Variants in RPS6KA2 observed in about 807,000 individuals in gnomAD.
RPS6KA2 encodes the protein ribosomal protein S6 kinase alpha-2.
RPS6KA2 carries 42 observed loss-of-function variants against 91.8 expected under a neutral mutation model. The observed-to-expected ratio is 0.46, with a 90% CI of 0.36 to 0.59. The LOEUF (loss-of-function observed/expected upper bound fraction) is 0.59, where lower values mean the gene tolerates loss of function less well. RPS6KA2 is among the 20% of genes least tolerant of loss of function. The probability of loss-of-function intolerance (pLI) is 0.00; values close to 1 mark genes in which losing one functional copy is unlikely to be tolerated. For synonymous variants in RPS6KA2, 414 were observed against 393.6 expected, an observed-to-expected ratio of 1.05 and a Z score of -0.61; for missense variants, 798 against 978.5, an observed-to-expected ratio of 0.82 and a Z score of 2.46.
intron 15 of RPS6KA2, among the ~76,000 whole-genome samples, chr6:166,430,867 G>A (rs1464271752): frequency 6.6e-6 from 1 of 152,164 alleles, no homozygotes; most frequent in East Asian, 1.9e-4. Flanking sequence ...CAAGATGGGC[G>A]TGTCCTTAGC....
intron 2 of RPS6KA2, among the ~76,000 whole-genome samples, chr6:166,850,590 G>A (rs1780714717): frequency 6.6e-6 from 1 of 152,214 alleles, no homozygotes; most frequent in African/African-American, 2.4e-5. Flanking sequence ...GGAAAGAGAG[G>A]AGAAAGGGTC....
chr6:166,464,090 T>C (rs1196580880), intron 11 of RPS6KA2, among the ~76,000 whole-genome samples: 2 of 152,234 alleles, frequency 1.3e-5, no homozygotes, highest in African/African-American at 4.8e-5. Flanking sequence ...ACGCCTGTGC[T>C]GTGAGGCCCT....
At position 166,767,159 on chromosome 6, in the gene RPS6KA2, C is replaced by T. The variant is rs1183072463; in HGVS notation, c.123+91041G>A. Among the ~76,000 whole-genome samples, 2 of 152,232 alleles carry T rather than the reference C, an allele frequency of 1.3e-5. No individual in the cohort carries two copies. Among genetic ancestry groups the T allele is most frequent in the African/African-American group, 2.4e-5 (1 of 41,458 alleles). On this transcript the variant is annotated intron_variant, in intron 2 of 21. Coordinates refer to the RPS6KA2 transcript ENST00000503859. This position sits in a 1 kb window ranked among gnomAD's most constrained non-coding sequence, Gnocchi z 4.6. ...TGGAATTTTTGTCTCTGAAAACAGACTGAAGAACCAGACTTTTGTATTTTA... is the reference window on the plus strand; with the variant it reads ...TGGAATTTTTGTCTCTGAAAACAGATTGAAGAACCAGACTTTTGTATTTTA...
At chr6:166,739,351 T>G (rs16899365) in intron 2 of RPS6KA2, among the ~76,000 whole-genome samples, 4,845 of 152,312 alleles carry the variant, frequency 0.032, 237 homozygotes, top group African/African-American at 0.11. Context: ...TAGGAAACCC[T>G]CTAGGTAAGG....
At chr6:166,480,896 C>T (rs531808736) in intron 10 of RPS6KA2, among the ~76,000 whole-genome samples, 4 of 152,220 alleles carry the variant, frequency 2.6e-5, no homozygotes, top group South Asian at 2.1e-4. Flanking sequence ...CTGATCCACA[C>T]GCCTCGGCTG....
At chr6:166,739,352 C>T (rs1283507711) in intron 2 of RPS6KA2, among the ~76,000 whole-genome samples, 1 of 152,200 alleles carries the variant, frequency 6.6e-6, no homozygotes, top group Admixed American at 6.5e-5. Flanking sequence ...AGGAAACCCT[C>T]TAGGTAAGGA....
intron 2 of RPS6KA2, among the ~76,000 whole-genome samples, chr6:166,740,742 G>A (rs1178115088): frequency 6.6e-6 from 1 of 152,202 alleles, no homozygotes; most frequent in African/African-American, 2.4e-5. Context: ...TAACCCAGTG[G>A]AAATATAAAC....
chr6:166,593,863 A>T (rs1437802694), intron 1 of RPS6KA2, among the ~76,000 whole-genome samples: 1 of 152,246 alleles, frequency 6.6e-6, no homozygotes, highest in Non-Finnish European at 1.5e-5. Context: ...TGATAAAATG[A>T]TATCAAAAAT....
intron 2 of RPS6KA2, among the ~76,000 whole-genome samples, chr6:166,833,964 C>A (rs1294769593): frequency 6.6e-6 from 1 of 151,788 alleles, no homozygotes; most frequent in Non-Finnish European, 1.5e-5. Context: ...AAACTCCTGG[C>A]CTCAAGTGAT....
chr6:166,508,188 G>C lies in RPS6KA2; in HGVS notation c.459+15C>G. 6.3e-7 allele frequency: 1 copy of C among 1,581,352 alleles called. No individual in the cohort carries two copies. The highest frequency in any genetic ancestry group is 8.7e-7 in the Non-Finnish European group (1 of 1,151,464). ...GCTCCTGCCCGCCCTCCTGTGTGAT[G>C]TGGCGGCTGCTCACCTCTTTGGAGA... On this transcript the variant is annotated intron_variant, in intron 5 of 20. Coordinates refer to ENST00000265678, the MANE Select transcript of RPS6KA2 (RefSeq NM_021135.6). This position sits in a 1 kb window ranked among gnomAD's most constrained non-coding sequence, Gnocchi z 4.3.
intron 2 of RPS6KA2, among the ~76,000 whole-genome samples, chr6:166,699,556 T>C (rs1228379963): frequency 6.6e-6 from 1 of 152,226 alleles, no homozygotes; most frequent in African/African-American, 2.4e-5. Context: ...TACAAGTCTT[T>C]AGATCAGTGT....
chr6:166,438,255 C>T (rs1214531771), intron 14 of RPS6KA2, among the ~76,000 whole-genome samples: 1 of 152,270 alleles, frequency 6.6e-6, no homozygotes, highest in Non-Finnish European at 1.5e-5. Flanking sequence ...TCATGCCGAA[C>T]ATCTGTCTTA....
intron 2 of RPS6KA2, 139 bp from the exon 3 acceptor site, chr6:166,531,452 C>G: frequency 1.5e-6 from 1 of 677,110 alleles, no homozygotes; most frequent in Non-Finnish European, 2.6e-6. Flanking sequence ...TTAAAATTTT[C>G]TCCAACGTCA....
At chr6:166,462,573 G>A (rs750253642) in intron 11 of RPS6KA2, among the ~76,000 whole-genome samples, 3 of 152,170 alleles carry the variant, frequency 2.0e-5, no homozygotes, top group Non-Finnish European at 4.4e-5. Flanking sequence ...AGGACACTGC[G>A]CCTGGGGGCT....
intron 3 of RPS6KA2, among the ~76,000 whole-genome samples, chr6:166,523,254 C>T (rs1250671425): frequency 6.6e-6 from 1 of 152,140 alleles, no homozygotes; most frequent in Non-Finnish European, 1.5e-5. Flanking sequence ...TTGAGAAAGA[C>T]AGAAGTCAAA....
intron 8 of RPS6KA2, among the ~76,000 whole-genome samples, chr6:166,492,801 C>T (rs1249234971): frequency 2.0e-5 from 3 of 151,536 alleles, no homozygotes; most frequent in East Asian, 3.9e-4. Flanking sequence ...CTGCAACCTC[C>T]GCCTCCTGGG....
chr6:166,856,264 C>G (rs7754775), intron 2 of RPS6KA2, among the ~76,000 whole-genome samples: 109,159 of 151,592 alleles, frequency 0.72, 39,826 homozygotes, highest in East Asian at 0.91. Context: ...TGAGGGTGGA[C>G]TTCTCATGAA....
In RPS6KA2 at chr6:166,651,038, T is replaced by C. The variant is rs138659677; in HGVS notation, c.124-112254A>G. 8.0e-3 allele frequency among the ~76,000 whole-genome samples: 1,225 copies of C among 152,328 alleles called. 24 individuals carry two copies. Among genetic ancestry groups the C allele is most frequent in the South Asian group, 0.064 (308 of 4,826 alleles). On this transcript the variant is annotated intron_variant, in intron 2 of 21. Transcript: ENST00000503859. Reference sequence around the variant, plus strand: ...GACCTGCCCCGTGATGTGGTTGTGTTACCCAGACCCTGCCTGTCCAGCTGT... The same window carrying C: ...GACCTGCCCCGTGATGTGGTTGTGTCACCCAGACCCTGCCTGTCCAGCTGT...
rs998555599 is a variant in RPS6KA2 at position 166,434,430 on chromosome 6, C to T, written c.1333-1940G>A. On this transcript the variant is annotated intron_variant, in intron 14 of 20. Transcript: ENST00000265678. The surrounding 1 kb of genome is among the most constrained non-coding windows in gnomAD (Gnocchi z 4.4). The stretch of plus-strand genomic sequence containing the variant: ...CATTCTCAAGTAGAGACTTTTAAAA[C>T]GATCATTCAAGGAGGGGTGGGGGAC... Among the ~76,000 whole-genome samples, 6 of 152,056 alleles carry T rather than the reference C, an allele frequency of 3.9e-5. No individual in the cohort carries two copies. The highest frequency in any genetic ancestry group is 7.3e-5 in the African/African-American group (3 of 41,378).
Sources: gnomAD v4.1 joint callset for allele counts (sites outside exome capture counted in the v4.1 genomes callset) on GRCh38, gnomAD v4.1.1 for gene constraint, Gnocchi (gnomAD v3.1) non-coding constraint, MANE v1.5 for transcripts, NCBI Gene and HGNC (gene_info 2026-07-23, HGNC 2026-07-21) for gene names.